LHFPL3: variants seen among roughly 807,000 people sequenced by gnomAD.
LHFPL3 encodes the protein LHFPL tetraspan subfamily member 3.
A neutral mutation model predicts 19.3 loss-of-function variants in LHFPL3; 5 were observed. The observed-to-expected ratio is 0.26, with a 90% CI of 0.14 to 0.54. The LOEUF (loss-of-function observed/expected upper bound fraction) is 0.54. Among genes scored for constraint, LHFPL3 ranks in the 20% least tolerant of loss-of-function variants. The pLI is 0.94. For missense variants in LHFPL3, 249 were observed against 307.4 expected (o/e 0.81, Z 1.42); for synonymous variants, 133 against 126.2 (o/e 1.05, Z -0.36).
chr7:104,498,399 A>T (rs576213843), intron 1 of LHFPL3, among the ~76,000 whole-genome samples: 1 of 152,178 alleles, frequency 6.6e-6, no homozygotes, highest in South Asian at 2.1e-4. Context: ...TTCGTGCTCA[A>T]AGAAGAACAT....
intron 1 of LHFPL3, among the ~76,000 whole-genome samples, chr7:104,331,909 CA>C (rs1285894165): frequency 6.6e-6 from 1 of 151,230 alleles, no homozygotes; most frequent in Admixed American, 6.6e-5. Context: ...GAGATTGCAC[CA>C]GTGCACTCTA....
intron 1 of LHFPL3, among the ~76,000 whole-genome samples, chr7:104,343,895 G>A (rs1010174200): frequency 3.9e-5 from 6 of 152,062 alleles, no homozygotes; most frequent in Admixed American, 6.6e-5. Context: ...TATCAGTGAT[G>A]TACACATTCC....
intron 1 of LHFPL3, among the ~76,000 whole-genome samples, chr7:104,340,482 C>CA (rs1344155225): frequency 6.6e-6 from 1 of 151,960 alleles, no homozygotes; most frequent in Middle Eastern, 3.2e-3. Context: ...AGTAAGCACT[C>CA]AAAAAAATGT....
At chr7:104,488,529 GTC>G (rs151004429) in intron 1 of LHFPL3, among the ~76,000 whole-genome samples, 28 of 150,438 alleles carry the variant, frequency 1.9e-4, no homozygotes, top group Admixed American at 4.0e-4. Context: ...TGTATAATCT[GTC>G]TCTCTCTCTC....
chr7:104,782,700 TA>T (rs1789835546), intron 2 of LHFPL3, among the ~76,000 whole-genome samples: 1 of 152,226 alleles, frequency 6.6e-6, no homozygotes, highest in Non-Finnish European at 1.5e-5. Context: ...CCATTGCCTT[TA>T]GGGGGAAGCC....
intron 1 of LHFPL3, among the ~76,000 whole-genome samples, chr7:104,729,256 C>T (rs573786244): frequency 3.3e-5 from 5 of 152,188 alleles, no homozygotes; most frequent in African/African-American, 7.2e-5. Flanking sequence ...AATAATCTCA[C>T]GTATTTATGG....
chr7:104,528,823 T>G (rs1794238915), intron 1 of LHFPL3, among the ~76,000 whole-genome samples: 1 of 152,172 alleles, frequency 6.6e-6, no homozygotes. Context: ...CTTAAACACC[T>G]TAGCTCGACA....
chr7:104,437,619 A>G (rs1422678220), intron 1 of LHFPL3, among the ~76,000 whole-genome samples: 1 of 152,144 alleles, frequency 6.6e-6, no homozygotes, highest in Non-Finnish European at 1.5e-5. Context: ...CCCCTTCTCC[A>G]GTTTGATCAT....
At chr7:104,614,675 C>CTTT (rs1290743425) in intron 1 of LHFPL3, among the ~76,000 whole-genome samples, 15 of 101,124 alleles carry the variant, frequency 1.5e-4, no homozygotes, top group African/African-American at 4.1e-4. Flanking sequence ...TTCCTTCCTT[C>CTTT]CTTCCTTCTT....
At chr7:104,562,809 G>T (rs2115955290) in intron 1 of LHFPL3, among the ~76,000 whole-genome samples, 1 of 150,946 alleles carries the variant, frequency 6.6e-6, no homozygotes, top group Non-Finnish European at 1.5e-5. Flanking sequence ...CCATCTTTGT[G>T]GTTTTATCTA....
intron 1 of LHFPL3, among the ~76,000 whole-genome samples, chr7:104,683,255 G>T (rs1409167614): frequency 6.6e-6 from 1 of 152,222 alleles, no homozygotes; most frequent in East Asian, 1.9e-4. Flanking sequence ...CTCACAAAGT[G>T]CTGGGAATAC....
intron 1 of LHFPL3, among the ~76,000 whole-genome samples, chr7:104,612,421 A>G (rs545646568): frequency 7.5e-4 from 114 of 152,268 alleles, no homozygotes; most frequent in Middle Eastern, 3.4e-3. Context: ...ATGGATGGAC[A>G]TCCAAGAGGC....
chr7:104,573,344 G>A (rs1252298941), intron 1 of LHFPL3, among the ~76,000 whole-genome samples: 1 of 149,600 alleles, frequency 6.7e-6, no homozygotes, highest in Non-Finnish European at 1.5e-5. Context: ...CCTGGGAGGC[G>A]GAGGTTGCAG....
chr7:104,357,954 T>A (rs767273608), intron 1 of LHFPL3, among the ~76,000 whole-genome samples: 1 of 152,130 alleles, frequency 6.6e-6, no homozygotes, highest in Non-Finnish European at 1.5e-5. Flanking sequence ...TATTTATACA[T>A]AAAATGGACA....
chr7:104,429,059 C>T (rs931955707), intron 1 of LHFPL3, among the ~76,000 whole-genome samples: 1 of 152,066 alleles, frequency 6.6e-6, no homozygotes, highest in African/African-American at 2.4e-5. Context: ...ATAATAAAGT[C>T]AGTAACTACC....
In LHFPL3 at chr7:104,633,207, AG is replaced by A. The variant is rs1791675463; in HGVS notation, c.446-103467del. Among the ~76,000 whole-genome samples, 6 of 152,320 alleles carry A rather than the reference AG, an allele frequency of 3.9e-5. No homozygotes were observed. In the South Asian group the frequency reaches 1.2e-3, roughly 32 times the overall value. The stretch of plus-strand genomic sequence containing the variant: ...GTTATTCAGTTTCTCAATGTCAGAT[AG>A]CCTTTGGAAAACATCAGTCAGTCCT... On this transcript the variant is annotated intron_variant, in intron 1 of 2. Coordinates refer to ENST00000424859, the MANE Select transcript of LHFPL3 (RefSeq NM_199000.3).
At chr7:104,802,740 G>A (rs1790280148) in intron 2 of LHFPL3, 1 of 152,138 alleles carries the variant, frequency 6.6e-6, no homozygotes, top group Admixed American at 6.5e-5. Context: ...TCTAACAGTA[G>A]ACCAGCCTGT....
intron 1 of LHFPL3, among the ~76,000 whole-genome samples, chr7:104,469,791 TA>T (rs1792870696): frequency 6.6e-6 from 1 of 152,188 alleles, no homozygotes; most frequent in South Asian, 2.1e-4. Flanking sequence ...CATGTAGCAT[TA>T]TTTTTTTTGT....
chr7:104,429,000 G>A (rs1301659929), intron 1 of LHFPL3, among the ~76,000 whole-genome samples: 1 of 152,046 alleles, frequency 6.6e-6, no homozygotes, highest in African/African-American at 2.4e-5. Context: ...AATTCTAAAT[G>A]CTTATACAAA....
Sources: gnomAD v4.1 joint callset for allele counts (sites outside exome capture counted in the v4.1 genomes callset) on GRCh38, gnomAD v4.1.1 for gene constraint, MANE v1.5 for transcripts, NCBI Gene and HGNC (gene_info 2026-07-23, HGNC 2026-07-21) for gene names.